The following LMO7 variants were observed in gnomAD, a reference collection of about 807,000 sequenced individuals.
LMO7 encodes the protein LIM domain only protein 7.
LMO7 carries 120 observed loss-of-function variants against 206.5 expected under a neutral mutation model. The observed-to-expected ratio is 0.58, with a 90% CI of 0.50 to 0.68. LMO7 has a LOEUF of 0.68. Ranked by LOEUF, LMO7 falls within the 30% of genes least tolerant of loss-of-function variation. LMO7 has a pLI of 0.00. For synonymous variants in LMO7, 706 were observed against 681.5 expected (o/e 1.04, Z -0.56); for missense variants, 1,959 against 1,957.9 (o/e 1.00, Z -0.01).
chr13:75,776,241 C>T (rs1229740660), intron 4 of LMO7, among the ~76,000 whole-genome samples: 1 of 125,178 alleles, frequency 8.0e-6, no homozygotes, highest in East Asian at 2.6e-4. Flanking sequence ...GTCTAAGGGC[C>T]ACAAGTCTTT....
At chr13:75,626,696 C>T (rs2138727392) in intron 2 of LMO7, 1 of 150,726 alleles carries the variant, frequency 6.6e-6, no homozygotes, top group South Asian at 2.1e-4. Flanking sequence ...GCCATCCTCT[C>T]ACCTCAGCCT....
intron 3 of LMO7, among the ~76,000 whole-genome samples, chr13:75,728,766 G>A (rs368621309): frequency 3.8e-3 from 505 of 134,040 alleles, no homozygotes; most frequent in African/African-American, 0.014. Context: ...TAGGTCTAAC[G>A]TTTAAGTCTT....
rs1001951056 is a variant in LMO7 at position 75,841,852 on chromosome 13, A to G, written c.3900A>G (p.Gln1300=). 1.9e-6 allele frequency: 3 copies of G among 1,614,168 alleles called. No homozygotes were observed. The highest frequency in any genetic ancestry group is 1.7e-4 in the Middle Eastern group (1 of 6,060). ...LVIERERKWE[Q]QLQEEQEQKR... is the part of the protein sequence containing the mutation. ...TTGAGAGAGAGAGGAAATGGGAGCA[A>G]CAGCTTCAGGAAGAGCAAGAGCAAA... Residue 1300 remains glutamine, a synonymous_variant, in exon 24 of 31, where the codon CAA becomes CAG. Coordinates refer to ENST00000377534, the MANE Select transcript of LMO7 (RefSeq NM_001306080.2).
intron 9 of LMO7, chr13:75,806,796 A>T (rs1415065407): frequency 6.6e-6 from 1 of 152,318 alleles, no homozygotes; most frequent in South Asian, 2.1e-4. Context: ...TTCAGGGGAC[A>T]CTTAGGCCAC....
At chr13:75,690,232 C>T (rs1363410377) in intron 1 of LMO7, among the ~76,000 whole-genome samples, 2 of 152,040 alleles carry the variant, frequency 1.3e-5, no homozygotes, top group Non-Finnish European at 2.9e-5. Context: ...TCCACATAGC[C>T]TGAGCCACCT....
Position 75,761,619 on chromosome 13 carries a change from GC to G in LMO7, c.317+583del, listed in dbSNP as rs145599334. The stretch of plus-strand genomic sequence containing the variant: ...TGAAAGTGGGGGTGAGAACACGTAT[GC>G]CAGTATCTGTTAGATTTTTGGTGAA... On this transcript the variant is annotated intron_variant, in intron 4 of 30. Coordinates refer to ENST00000377534, the MANE Select transcript of LMO7 (RefSeq NM_001306080.2). Among the ~76,000 whole-genome samples, 653 of 152,148 alleles carry G rather than the reference GC, an allele frequency of 4.3e-3. 6 individuals are homozygous for G. The highest frequency in any genetic ancestry group is 0.015 in the African/African-American group (627 of 41,526).
Position 75,807,900 on chromosome 13 carries a change from C to A in LMO7, c.1617C>A (p.His539Gln). The A allele has an allele frequency of 6.2e-7, 1 of 1,613,946 alleles. No homozygotes were observed. Reference sequence around the variant, plus strand: ...TGTCTGGGGCCCCAGATAGATACCACCCAGTCCCTTTTCCCGAACCCTGGA... The same window carrying A: ...TGTCTGGGGCCCCAGATAGATACCAACCAGTCCCTTTTCCCGAACCCTGGA... ...VPLSGAPDRYHPVPFPEPWTL... is the reference protein window; with the variant it reads ...VPLSGAPDRYQPVPFPEPWTL... Residue 539 changes from histidine to glutamine, a missense_variant, in exon 10 of 31, where the codon CAC becomes CAA. His to Gln is a conservative substitution (Grantham distance 24). Transcript: ENST00000377534.
At chr13:75,757,601 G>A (rs1300093059) in intron 3 of LMO7, among the ~76,000 whole-genome samples, 1 of 152,020 alleles carries the variant, frequency 6.6e-6, no homozygotes, top group East Asian at 1.9e-4. Context: ...CTTTATAATT[G>A]ATTCAAGGAT....
chr13:75,745,047 A>G (rs528355632), intron 3 of LMO7, among the ~76,000 whole-genome samples: 2 of 152,314 alleles, frequency 1.3e-5, no homozygotes, highest in South Asian at 4.1e-4. Context: ...ATAAAGAATG[A>G]TTGAGTGTGT....
chr13:75,794,435 T>C (rs2053698718), intron 4 of LMO7, among the ~76,000 whole-genome samples: 1 of 152,230 alleles, frequency 6.6e-6, no homozygotes, highest in South Asian at 2.1e-4. Flanking sequence ...AGTTAAAAAT[T>C]AGTCTCTGTG....
intron 1 of LMO7, among the ~76,000 whole-genome samples, chr13:75,709,121 A>G (rs1459732794): frequency 6.6e-6 from 1 of 152,232 alleles, no homozygotes; most frequent in Admixed American, 6.5e-5. Flanking sequence ...TAAAAAGGAC[A>G]TGAACTCATC....
chr13:75,737,801 A>C (rs1336738831), intron 3 of LMO7, among the ~76,000 whole-genome samples: 1 of 104,406 alleles, frequency 9.6e-6, no homozygotes, highest in Non-Finnish European at 2.0e-5. Context: ...AAAAAAAAAA[A>C]CTTTTTACTT....
Position 75,719,565 on chromosome 13 carries a change from C to T in LMO7, c.140+6313C>T, listed in dbSNP as rs976029577. ...TGATAGTGAGTGAGTTCTCACGAGA[C>T]CTGATGTTTTAAAAGTGTGTGGCAC... On this transcript the variant is annotated intron_variant, in intron 2 of 30. Transcript: ENST00000377534. Among the ~76,000 whole-genome samples the T allele has an allele frequency of 2.0e-5, 3 of 151,972 alleles. No individual in the cohort carries two copies. In the East Asian group the frequency reaches 5.8e-4, roughly 29 times the overall value.
intron 1 of LMO7, among the ~76,000 whole-genome samples, chr13:75,703,739 T>TGTGTGTGTGCGCGC (rs57290262): frequency 8.6e-4 from 131 of 151,782 alleles, no homozygotes; most frequent in African/African-American, 2.9e-3. Flanking sequence ...TGTGTGTGTG[T>TGTGTGTGTGCGCGC]GCACTGTGAG....
At chr13:75,658,474 T>C (rs2038258400) in intron 1 of LMO7, among the ~76,000 whole-genome samples, 1 of 152,186 alleles carries the variant, frequency 6.6e-6, no homozygotes, top group Admixed American at 6.5e-5. Context: ...TTAATATTCC[T>C]TTAATATATT....
intron 4 of LMO7, among the ~76,000 whole-genome samples, chr13:75,761,979 A>G (rs1020421123): frequency 6.6e-6 from 1 of 152,176 alleles, no homozygotes; most frequent in Non-Finnish European, 1.5e-5. Flanking sequence ...TATTTTTAAA[A>G]TTGGATGACC....
Position 75,808,142 on chromosome 13 carries a change from G to A in LMO7, c.1859G>A (p.Trp620Ter). The stretch of plus-strand genomic sequence containing the variant: ...TGCAGTGAGGCTGACTTGAAGAGAT[G>A]GGAGGCCATCCGGGAGGCCAGCAGA... ...GPCSEADLKRWEAIREASRLR... is the reference protein window; with the variant it reads ...GPCSEADLKR Residue 620 changes from tryptophan (W) to a stop codon, truncating the protein, a stop_gained, in exon 10 of 31, where the codon TGG (tryptophan) becomes TAG (stop). Coordinates refer to ENST00000377534, the MANE Select transcript of LMO7 (RefSeq NM_001306080.2). LOFTEE classifies it high-confidence loss of function. 6.2e-7 allele frequency: 1 copy of A among 1,613,858 alleles called. No individual in the cohort carries two copies. Among genetic ancestry groups the A allele is most frequent in the Non-Finnish European group, 8.5e-7 (1 of 1,179,838 alleles).
intron 17 of LMO7, 140 bp downstream of exon 17, chr13:75,834,527 C>T (rs973285542): frequency 6.8e-6 from 4 of 586,728 alleles, no homozygotes; most frequent in Admixed American, 3.6e-5. Context: ...TACGTCATGA[C>T]AAATCTTGAA....
intron 4 of LMO7, among the ~76,000 whole-genome samples, chr13:75,766,051 A>G (rs2048827211): frequency 6.6e-6 from 1 of 152,138 alleles, no homozygotes; most frequent in Non-Finnish European, 1.5e-5. Context: ...TGGGAGAATG[A>G]AAGTTGTTTT....
Sources: gnomAD v4.1 joint callset for allele counts (sites outside exome capture counted in the v4.1 genomes callset) on GRCh38, gnomAD v4.1.1 for gene constraint, MANE v1.5 for transcripts, NCBI Gene and HGNC (gene_info 2026-07-23, HGNC 2026-07-21) for gene names.